NIBAN2: variants seen among roughly 807,000 people sequenced by gnomAD.
NIBAN2 encodes protein Niban 2.
NIBAN2 carries 36 observed loss-of-function variants against 81.8 expected under a neutral mutation model. The observed-to-expected ratio is 0.44, with a 90% confidence interval of 0.34 to 0.58. NIBAN2 has a LOEUF of 0.58. NIBAN2 is among the 20% of genes least tolerant of loss of function. NIBAN2 has a pLI of 0.02. For synonymous variants in NIBAN2, 445 were observed against 441.6 expected (o/e 1.01, Z -0.10); for missense variants, 897 against 1,014.1 (o/e 0.88, Z 1.57).
At position 127,516,824 on chromosome 9, in the gene NIBAN2, G is replaced by C. The variant is rs146826284; in HGVS notation, c.973+33C>G. 1,863 of 1,594,108 alleles carry C rather than the reference G, an allele frequency of 1.2e-3. 17 individuals are homozygous for C. The African/African-American group carries it at 0.021, about 18-fold the overall frequency. ...AAAAGAAAGTCCACCTTGGCCCCTG[G>C]AGGGCCCGTCGAGCACGGGGGTGGC... On this transcript the variant is annotated intron_variant, in intron 8 of 13. Coordinates refer to ENST00000373312, the MANE Select transcript of NIBAN2 (RefSeq NM_022833.4).
chr9:127,523,807 C>A lies in NIBAN2; in HGVS notation c.461G>T (p.Cys154Phe), dbSNP rs1837008609. The A allele has an allele frequency of 2.5e-6, 4 of 1,613,524 alleles. No individual in the cohort carries two copies. Among genetic ancestry groups the A allele is most frequent in the Non-Finnish European group, 3.4e-6 (4 of 1,179,508 alleles). Residue 154 changes from cysteine to phenylalanine, a missense_variant, in exon 5 of 14, where the codon TGC becomes TTC. Around this residue, in one of 3 missense-constraint regions of NIBAN2, gnomAD observed 69 missense variants for 114.7 expected, o/e 0.60. Transcript: ENST00000373312. ...GAGGATGAGCGGGAACTGTGTGGGG[C>A]ACTTGAGGATGGGGGCACTGCCCGA... ...AKSGSAPILK[C>F]PTQFPLILWH...
At chr9:127,511,934 A>C (rs2417052) in intron 8 of NIBAN2, among the ~76,000 whole-genome samples, 100,813 of 151,712 alleles carry the variant, frequency 0.66, 34,616 homozygotes, top group Middle Eastern at 0.77. Flanking sequence ...ATCCAAAAAA[A>C]AGAAAATAAC....
chr9:127,527,426 C>T, intron 2 of NIBAN2, 104 bp from the exon 3 acceptor site: 1 of 1,117,990 alleles, frequency 8.9e-7, no homozygotes, highest in East Asian at 2.5e-5. Flanking sequence ...CACCCCCTGC[C>T]TAGCATGTCC....
At chr9:127,537,889 C>T (rs139674929) in intron 1 of NIBAN2, among the ~76,000 whole-genome samples, 52 of 152,206 alleles carry the variant, frequency 3.4e-4, no homozygotes, top group Non-Finnish European at 6.2e-4. Context: ...GTTGGGGTCC[C>T]GGTTCCCTTC....
Position 127,506,832 on chromosome 9 carries a change from G to C in NIBAN2, c.*13C>G, listed in dbSNP as rs754246875. 2 of 1,590,740 alleles carry C rather than the reference G, an allele frequency of 1.3e-6. No individual in the cohort carries two copies. Among genetic ancestry groups the C allele is most frequent in the Non-Finnish European group, 1.7e-6 (2 of 1,167,908 alleles). ...CGGCCTGTGCCATGTGCAGCAGTCA[G>C]GGACCCACTGGCCTAGAACTCAGTC... On this transcript the variant is annotated 3_prime_UTR_variant, in exon 14 of 14. Transcript: ENST00000373312.
rs1246817340 is a variant in NIBAN2, at chr9:127,523,664, C to T, written c.589+15G>A. 1 of 1,603,026 alleles carries T rather than the reference C, an allele frequency of 6.2e-7. No homozygotes were observed. The highest frequency in any genetic ancestry group is 1.7e-5 in the Admixed American group (1 of 59,884). ...CCCCTCCCTCCCACCGACCCTGCACCCACAGGCCACTCACCATTGTTGCAG... is the reference window on the plus strand; with the variant it reads ...CCCCTCCCTCCCACCGACCCTGCACTCACAGGCCACTCACCATTGTTGCAG... On this transcript the variant is annotated intron_variant, in intron 5 of 13. Transcript: ENST00000373312.
chr9:127,510,072 CGCAGCCGGG>C, intron 9 of NIBAN2, 65 bp downstream of exon 9: 3 of 1,401,292 alleles, frequency 2.1e-6, no homozygotes, highest in Non-Finnish European at 2.9e-6. Flanking sequence ...CCCGGAGTCA[CGCAGCCGGG>C]GCCCTCTGGG....
intron 5 of NIBAN2, among the ~76,000 whole-genome samples, chr9:127,518,604 T>A (rs1323921903): frequency 6.6e-6 from 1 of 152,236 alleles, no homozygotes; most frequent in Non-Finnish European, 1.5e-5. Flanking sequence ...TTGGCTGATC[T>A]GGGCCCATAG....
At chr9:127,570,446 C>T (rs1300135393), upstream of NIBAN2, among the ~76,000 whole-genome samples, 1 of 152,166 alleles carries the variant, frequency 6.6e-6, no homozygotes, top group Non-Finnish European at 1.5e-5. Context: ...GGCATTACCC[C>T]TTTGAACTTC....
chr9:127,507,545 G>T lies in NIBAN2; in HGVS notation c.1655-114C>A. ...TCCCGCCTTGGGGGTCTGTGGTTGG[G>T]ATGTGACTCATTCCAGGCCTCGTTG... is the stretch of plus-strand genomic sequence containing the variant. On this transcript the variant is annotated intron_variant, in intron 13 of 13. Coordinates refer to ENST00000373312, the MANE Select transcript of NIBAN2 (RefSeq NM_022833.4). This position sits in a 1 kb window ranked among gnomAD's most constrained non-coding sequence, Gnocchi z 6.8. 1.0e-6 allele frequency: 1 copy of T among 954,290 alleles called. No individual in the cohort carries two copies. The highest frequency in any genetic ancestry group is 1.5e-6 in the Non-Finnish European group (1 of 653,524). The allele number at this position is 954,290 out of a possible 1,614,324, so 59.1% of individuals were successfully genotyped here.
chr9:127,572,346 T>G (rs963095353), upstream of NIBAN2, among the ~76,000 whole-genome samples: 2 of 152,200 alleles, frequency 1.3e-5, no homozygotes, highest in African/African-American at 4.8e-5. Flanking sequence ...GCACCTACTA[T>G]GTGTTGGATG....
At chr9:127,547,269 G>C (rs1333909763) in intron 1 of NIBAN2, among the ~76,000 whole-genome samples, 1 of 152,156 alleles carries the variant, frequency 6.6e-6, no homozygotes, top group Non-Finnish European at 1.5e-5. Flanking sequence ...GGTGGCTCAC[G>C]CCTATAATCC....
chr9:127,542,844 T>G (rs1043601546), intron 1 of NIBAN2, among the ~76,000 whole-genome samples: 1 of 152,228 alleles, frequency 6.6e-6, no homozygotes, highest in Non-Finnish European at 1.5e-5. Context: ...TGCCTCAGCC[T>G]CCCCAGTAGC....
At position 127,563,206 on chromosome 9, in the gene NIBAN2, G is replaced by GC. The variant is rs1837802888; in HGVS notation, c.55+5613_55+5614insG. On this transcript the variant is annotated intron_variant, in intron 1 of 13. Transcript: ENST00000373312. The surrounding 1 kb of genome is among the most constrained non-coding windows in gnomAD (Gnocchi z 4.1). The stretch of plus-strand genomic sequence containing the variant: ...AGGCCGGCACTCAGGCCCCAGCAGT[G>GC]GAAAAGGAACAGAGTCAGGGGGACT... 6.6e-6 allele frequency among the ~76,000 whole-genome samples: 1 copy of GC among 152,200 alleles called. No individual in the cohort carries two copies. The highest frequency in any genetic ancestry group is 1.5e-5 in the Non-Finnish European group (1 of 68,026).
chr9:127,532,557 A>G (rs1837203565), intron 1 of NIBAN2, among the ~76,000 whole-genome samples: 1 of 152,116 alleles, frequency 6.6e-6, no homozygotes, highest in Admixed American at 6.6e-5. Context: ...CAGTGAGTCG[A>G]GATTGCACCA....
At chr9:127,526,313 T>C (rs1280072993) in intron 3 of NIBAN2, among the ~76,000 whole-genome samples, 2 of 146,142 alleles carry the variant, frequency 1.4e-5, no homozygotes, top group Non-Finnish European at 3.0e-5. Flanking sequence ...GGCAGGAGAA[T>C]CACTTGAGCC....
upstream of NIBAN2, among the ~76,000 whole-genome samples, chr9:127,573,487 A>G (rs2132247678): frequency 6.7e-6 from 1 of 149,840 alleles, no homozygotes; most frequent in East Asian, 1.9e-4. Flanking sequence ...AAACATAGTC[A>G]TCAGCACTAT....
At chr9:127,529,329 A>G (rs1837135378) in intron 2 of NIBAN2, among the ~76,000 whole-genome samples, 1 of 152,228 alleles carries the variant, frequency 6.6e-6, no homozygotes, top group Non-Finnish European at 1.5e-5. Context: ...CTGAGCAAAC[A>G]GTACCGGCAT....
chr9:127,525,265 G>T, intron 3 of NIBAN2, 102 bp from the exon 4 acceptor site: 2 of 766,296 alleles, frequency 2.6e-6, no homozygotes, highest in South Asian at 1.5e-5. Flanking sequence ...AAGTGGGGAG[G>T]AGAAGGGAAA....
Sources: gnomAD v4.1 joint callset for allele counts (sites outside exome capture counted in the v4.1 genomes callset) on GRCh38, gnomAD v4.1.1 for gene constraint, gnomAD v4.1.1 regional missense constraint, Gnocchi (gnomAD v3.1) non-coding constraint, MANE v1.5 for transcripts, NCBI Gene and HGNC (gene_info 2026-07-23, HGNC 2026-07-21) for gene names.